PLCZ1: variants seen among roughly 807,000 people sequenced by gnomAD.
PLCZ1 encodes 1-phosphatidylinositol 4,5-bisphosphate phosphodiesterase zeta-1.
In PLCZ1, 64 loss-of-function variants were observed where a neutral mutation model predicts 76.8. The ratio of observed to expected loss-of-function variants is 0.83; its 90% CI spans 0.68 to 1.03. PLCZ1 has a LOEUF of 1.03. Ranked by LOEUF, PLCZ1 falls within the 50% of genes least tolerant of loss-of-function variation. PLCZ1 has a pLI of 0.00. For missense variants in PLCZ1, 751 were observed against 713.7 expected (o/e 1.05, Z -0.60); for synonymous variants, 248 against 230.8 (o/e 1.07, Z -0.68).
At chr12:18,649,887 CCTT>C in the PLCZ1 span, among the ~76,000 whole-genome samples, 1 of 151,994 alleles carries the variant, frequency 6.6e-6, no homozygotes, top group African/African-American at 2.4e-5. Flanking sequence ...TTTTGTTTCT[CCTT>C]CTTAGTCTTC....
At chr12:18,685,800 C>T (rs1953027690) in intron 13 of PLCZ1, 1 of 343,818 alleles carries the variant, frequency 2.9e-6, no homozygotes, top group African/African-American at 2.1e-5. Flanking sequence ...CCTCTGCCTC[C>T]CTTCCATCCT....
chr12:18,684,520 C>A (rs908339199), intron 13 of PLCZ1, among the ~76,000 whole-genome samples: 1 of 151,984 alleles, frequency 6.6e-6, no homozygotes, highest in African/African-American at 2.4e-5. Flanking sequence ...GATAACCACC[C>A]CATCAGGGTG....
chr12:18,691,904 C>T (rs1954148625), intron 12 of PLCZ1, among the ~76,000 whole-genome samples: 1 of 152,162 alleles, frequency 6.6e-6, no homozygotes, highest in South Asian at 2.1e-4. Context: ...TAGTCCTGGT[C>T]ATCTTTGCTA....
chr12:18,692,582 G>A (rs1954287618), intron 12 of PLCZ1, among the ~76,000 whole-genome samples: 1 of 152,028 alleles, frequency 6.6e-6, no homozygotes, highest in Non-Finnish European at 1.5e-5. Context: ...GTGCTAGGTG[G>A]GATACAGACA....
chr12:18,695,162 A>C, intron 11 of PLCZ1, 83 bp from the exon 12 acceptor site: 1 of 1,296,856 alleles, frequency 7.7e-7, no homozygotes, highest in Non-Finnish European at 1.1e-6. Context: ...AAATCTAATA[A>C]TGGATTCTAT....
At chr12:18,724,860 T>G (rs188633600) in intron 3 of PLCZ1, among the ~76,000 whole-genome samples, 1 of 152,092 alleles carries the variant, frequency 6.6e-6, no homozygotes, top group Non-Finnish European at 1.5e-5. Flanking sequence ...AAATAAAAAA[T>G]TATGGTTCTA....
At chr12:18,701,329 T>C (rs968876991) in intron 9 of PLCZ1, among the ~76,000 whole-genome samples, 172 bp downstream of exon 9, 3 of 152,084 alleles carry the variant, frequency 2.0e-5, no homozygotes, top group Non-Finnish European at 2.9e-5. Context: ...AAAGAGGCAA[T>C]TTAAAAAATT....
chr12:18,723,223 A>C, intron 4 of PLCZ1, 88 bp downstream of exon 4: 1 of 1,205,694 alleles, frequency 8.3e-7, no homozygotes, highest in East Asian at 2.6e-5. Context: ...ACAATTCATA[A>C]AAATACTTTG....
chr12:18,707,182 AC>A (rs891790363), intron 6 of PLCZ1, among the ~76,000 whole-genome samples: 31 of 152,218 alleles, frequency 2.0e-4, no homozygotes, highest in African/African-American at 7.2e-4. Flanking sequence ...CTACAAAGAC[AC>A]TTTTTCCAAA....
the PLCZ1 span, among the ~76,000 whole-genome samples, chr12:18,668,190 C>A: frequency 6.6e-6 from 1 of 152,186 alleles, no homozygotes; most frequent in African/African-American, 2.4e-5. Flanking sequence ...AAAGTCCAGT[C>A]ATACTTTCAA....
chr12:18,663,173 G>C, the PLCZ1 span, among the ~76,000 whole-genome samples: 1 of 152,078 alleles, frequency 6.6e-6, no homozygotes, highest in Non-Finnish European at 1.5e-5. Flanking sequence ...ACAAGGCAAG[G>C]GTGAACAGGT....
chr12:18,710,236 G>A (rs1957133143), intron 6 of PLCZ1, among the ~76,000 whole-genome samples: 2 of 148,800 alleles, frequency 1.3e-5, no homozygotes, highest in Non-Finnish European at 1.5e-5. Flanking sequence ...TCCTTGCAAG[G>A]CCTTTGAATT....
the PLCZ1 span, among the ~76,000 whole-genome samples, chr12:18,674,890 G>T: frequency 1.3e-5 from 2 of 152,084 alleles, no homozygotes; most frequent in Non-Finnish European, 2.9e-5. Context: ...TGGGATGAAA[G>T]GTAACCTGGG....
Position 18,701,745 on chromosome 12 carries a change from T to C in PLCZ1, c.896A>G (p.Lys299Arg). The C allele has an allele frequency of 1.2e-6, 2 of 1,610,234 alleles. No homozygotes were observed. Among genetic ancestry groups the C allele is most frequent in the Non-Finnish European group, 1.7e-6 (2 of 1,178,228 alleles). The change falls in exon 8 of 15, where the codon AAG becomes AGG. Residue 299 changes from lysine (K) to arginine (R), a missense_variant. Coordinates refer to ENST00000266505, the MANE Select transcript of PLCZ1 (RefSeq NM_033123.4). ...GGTTTCCTTTAAGGTTCCTATTTTC[T>C]TATTTTTAACTAATATTTTGAATTT... ...ALKFKILVKN[K>R]KIGTLKETHE...
chr12:18,680,795 G>C (rs1259183276), downstream of PLCZ1, among the ~76,000 whole-genome samples: 1 of 151,960 alleles, frequency 6.6e-6, no homozygotes, highest in African/African-American at 2.4e-5. Flanking sequence ...ATTGGATTTG[G>C]GCTTGGATTA....
intron 2 of PLCZ1, 139 bp downstream of exon 2, chr12:18,737,222 A>T: frequency 1.1e-6 from 1 of 910,434 alleles, no homozygotes; most frequent in Non-Finnish European, 1.8e-6. Context: ...AGAAAAGCTC[A>T]GAACAAACAG....
intron 2 of PLCZ1, chr12:18,736,596 G>T (rs201862269): frequency 6.3e-6 from 5 of 791,520 alleles, no homozygotes; most frequent in Admixed American, 3.8e-5. Flanking sequence ...TTTGAGAATT[G>T]AAGTCATTAC....
the PLCZ1 span, among the ~76,000 whole-genome samples, chr12:18,668,725 G>A: frequency 2.0e-5 from 3 of 152,020 alleles, no homozygotes; most frequent in East Asian, 3.9e-4. Flanking sequence ...TCACTCTCTG[G>A]GTAGAAGTGC....
chr12:18,736,255 C>A lies in PLCZ1; in HGVS notation c.101G>T (p.Arg34Leu). ...TQRLLEKLDI[R>L]CSYIHVKQIF... ...CTGTTTCACATGAATATAACTGCAC[C>A]GAATATCTAATTTTTCAAGTAACCT... The change falls in exon 3 of 15, where the codon CGG (arginine) becomes CTG (leucine). Residue 34 changes from arginine to leucine, a missense_variant. By Grantham distance (102) the Arg-to-Leu change is moderately radical. Transcript: ENST00000266505. 9 of 1,612,622 alleles carry A rather than the reference C, an allele frequency of 5.6e-6. No individual in the cohort carries two copies. The highest frequency in any genetic ancestry group is 7.6e-6 in the Non-Finnish European group (9 of 1,179,122).
Sources: allele counts gnomAD v4.1 joint callset (sites outside exome capture counted in the v4.1 genomes callset), GRCh38; gene constraint gnomAD v4.1.1; transcripts MANE v1.5; gene names NCBI Gene and HGNC (gene_info 2026-07-23, HGNC 2026-07-21).